Variants in TENM3 observed in about 807,000 individuals in gnomAD.
TENM3 encodes the protein teneurin-3.
In TENM3, 63 loss-of-function variants were observed where a neutral mutation model predicts 255.1. That is an observed-to-expected ratio of 0.25 (90% confidence interval 0.20 to 0.30). The LOEUF (loss-of-function observed/expected upper bound fraction) is 0.30, where lower values mean the gene tolerates loss of function less well. Ranked by LOEUF, TENM3 falls within the 10% of genes least tolerant of loss-of-function variation. The probability of loss-of-function intolerance (pLI) is 1.00; values close to 1 mark genes in which losing one functional copy is unlikely to be tolerated. For synonymous variants in TENM3, 1,306 were observed against 1,322.3 expected (o/e 0.99, Z 0.27); for missense variants, 2,929 against 3,461.1 (o/e 0.85, Z 3.86).
Position 182,800,253 on chromosome 4 carries a change from G to C in TENM3, c.8002G>C (p.Asp2668His), listed in dbSNP as rs189637395. 1.9e-6 allele frequency: 3 copies of C among 1,594,294 alleles called. No individual in the cohort carries two copies. The highest frequency in any genetic ancestry group is 2.7e-5 in the African/African-American group (2 of 74,916). Reference protein sequence around the residue: ...LLSAGKVQGYDGYYVLSVEQY... With the variant: ...LLSAGKVQGYHGYYVLSVEQY... Reference sequence around the variant, plus strand: ...GAGCGCCGGCAAGGTGCAGGGCTACGACGGGTACTACGTACTCTCGGTGGA... The same window carrying C: ...GAGCGCCGGCAAGGTGCAGGGCTACCACGGGTACTACGTACTCTCGGTGGA... Residue 2668 changes from aspartate to histidine, a missense_variant, in exon 28 of 28, where the codon GAC becomes CAC. Transcript: ENST00000511685.
In TENM3 at chr4:182,248,006, T is replaced by TG. The variant is rs1361617832; in HGVS notation, c.-76+4535dup. ...GAAAATATTATTTAACTTTATTTAA[T>TG]GGGGGATTTTCAGATAATTTGGACT... On this transcript the variant is annotated intron_variant, in intron 1 of 27. Coordinates refer to ENST00000511685, the MANE Select transcript of TENM3 (RefSeq NM_001080477.4). Among the ~76,000 whole-genome samples the TG allele has an allele frequency of 2.0e-5, 3 of 152,198 alleles. No individual in the cohort carries two copies. In the East Asian group the frequency reaches 5.8e-4, roughly 29 times the overall value.
At chr4:181,608,142 G>T in the TENM3 span, among the ~76,000 whole-genome samples, 2 of 152,134 alleles carry the variant, frequency 1.3e-5, no homozygotes, top group African/African-American at 4.8e-5. Context: ...TTTCTTTAGA[G>T]GTAAGTTTTA....
At chr4:181,955,260 G>A in the TENM3 span, among the ~76,000 whole-genome samples, 1 of 152,096 alleles carries the variant, frequency 6.6e-6, no homozygotes, top group Non-Finnish European at 1.5e-5. Flanking sequence ...TCCCATTATG[G>A]GAGGGGAAGG....
At chr4:182,198,459 C>T (rs1483568331) in intron 1 of TENM3, among the ~76,000 whole-genome samples, 1 of 152,236 alleles carries the variant, frequency 6.6e-6, no homozygotes, top group Non-Finnish European at 1.5e-5. Context: ...GAGCGACACT[C>T]ACATCAGGAT....
At chr4:182,198,537 G>A (rs28485022) in intron 1 of TENM3, among the ~76,000 whole-genome samples, 5,245 of 152,328 alleles carry the variant, frequency 0.034, 151 homozygotes, top group Middle Eastern at 0.075. Context: ...CGGATAGCCC[G>A]CTACTTTGGT....
chr4:182,576,521 G>A (rs1246393408), intron 3 of TENM3, among the ~76,000 whole-genome samples: 1 of 152,340 alleles, frequency 6.6e-6, no homozygotes, highest in East Asian at 1.9e-4. Flanking sequence ...ATGAGATCTT[G>A]TGATGTGAAG....
At chr4:182,036,646 G>A in the TENM3 span, among the ~76,000 whole-genome samples, 1,950 of 152,186 alleles carry the variant, frequency 0.013, 45 homozygotes, top group African/African-American at 0.044. Flanking sequence ...GTGGCATTTC[G>A]ATCATCTAGT....
At chr4:181,846,821 TACA>T in the TENM3 span, among the ~76,000 whole-genome samples, 5 of 152,200 alleles carry the variant, frequency 3.3e-5, no homozygotes, top group Non-Finnish European at 7.3e-5. Flanking sequence ...GAATCTGTAT[TACA>T]ACAACTACCA....
intron 7 of TENM3, 150 bp downstream of exon 7, chr4:182,673,369 T>C (rs779069210): frequency 1.5e-5 from 9 of 589,762 alleles, no homozygotes; most frequent in Non-Finnish European, 1.8e-5. Flanking sequence ...TGTAGATTAC[T>C]TGTTCTGAGG....
chr4:182,677,035 T>G (rs1340794605), intron 7 of TENM3, among the ~76,000 whole-genome samples: 1 of 152,202 alleles, frequency 6.6e-6, no homozygotes, highest in Non-Finnish European at 1.5e-5. Flanking sequence ...TTAGAAATAT[T>G]ACAAAGCAAA....
At chr4:181,925,585 C>T in the TENM3 span, among the ~76,000 whole-genome samples, 3 of 152,102 alleles carry the variant, frequency 2.0e-5, no homozygotes, top group African/African-American at 7.2e-5. Context: ...GGCTGTCAAG[C>T]ATTTAACAAA....
chr4:182,069,686 A>AACACACAC, the TENM3 span, among the ~76,000 whole-genome samples: 2,542 of 149,522 alleles, frequency 0.017, 70 homozygotes, highest in African/African-American at 0.055. Context: ...TAGATGCATA[A>AACACACAC]ACACACACAC....
the TENM3 span, among the ~76,000 whole-genome samples, chr4:181,873,063 CTAATA>C: frequency 1.3e-5 from 2 of 151,780 alleles, no homozygotes; most frequent in Non-Finnish European, 2.9e-5. Flanking sequence ...TACTTCTCTT[CTAATA>C]TAAGTATTTT....
At chr4:182,064,889 C>A in the TENM3 span, among the ~76,000 whole-genome samples, 1 of 152,186 alleles carries the variant, frequency 6.6e-6, no homozygotes, top group African/African-American at 2.4e-5. Context: ...AAGGCTGTCT[C>A]TACATATTAT....
chr4:182,104,004 T>C, the TENM3 span, among the ~76,000 whole-genome samples: 1 of 152,208 alleles, frequency 6.6e-6, no homozygotes, highest in African/African-American at 2.4e-5. Context: ...GGTAAAAGGA[T>C]GAGAAAGTGT....
At chr4:182,420,014 T>C (rs1276565940) in intron 3 of TENM3, among the ~76,000 whole-genome samples, 4 of 151,382 alleles carry the variant, frequency 2.6e-5, no homozygotes, top group Admixed American at 6.6e-5. Context: ...ACTTAAAGTA[T>C]AATAATAATA....
intron 3 of TENM3, among the ~76,000 whole-genome samples, chr4:182,461,932 G>T (rs186373999): frequency 6.6e-6 from 1 of 152,162 alleles, no homozygotes; most frequent in African/African-American, 2.4e-5. Flanking sequence ...CTAGGCTGTC[G>T]TACAGGTCAT....
In TENM3 at chr4:182,546,354, C is replaced by T. The variant is rs377721879; in HGVS notation, c.512-54570C>T. 2.5e-4 allele frequency among the ~76,000 whole-genome samples: 38 copies of T among 152,288 alleles called. 1 individual carries two copies. The highest frequency in any genetic ancestry group is 8.7e-4 in the African/African-American group (36 of 41,556). On this transcript the variant is annotated intron_variant, in intron 3 of 27. Transcript: ENST00000511685. ...GGGGCCATGTCTGTTTGGTTTAATG[C>T]TGTAACATTCCAAGCACACAGCAAG... is the stretch of plus-strand genomic sequence containing the variant.
chr4:182,751,706 T>G, intron 19 of TENM3, 94 bp from the exon 20 acceptor site: 4 of 836,384 alleles, frequency 4.8e-6, no homozygotes, highest in Non-Finnish European at 6.1e-6. Flanking sequence ...CAGACTATAA[T>G]CAGTTTCTCA....
Sources: gnomAD v4.1 joint callset for allele counts (sites outside exome capture counted in the v4.1 genomes callset) on GRCh38, gnomAD v4.1.1 for gene constraint, MANE v1.5 for transcripts, NCBI Gene and HGNC (gene_info 2026-07-23, HGNC 2026-07-21) for gene names.